Variants in CTNNA3 observed in about 807,000 individuals in gnomAD.
The protein encoded by CTNNA3 is catenin alpha-3.
Under a neutral mutation model 95.7 loss-of-function variants are expected in CTNNA3, and 76 were observed. That is an observed-to-expected ratio of 0.79 (90% CI 0.66 to 0.96). The LOEUF (loss-of-function observed/expected upper bound fraction) is 0.96. Among genes scored for constraint, CTNNA3 ranks in the 40% least tolerant of loss-of-function variants. The pLI, the probability that CTNNA3 is intolerant of heterozygous loss-of-function variation, is 0.00. For missense variants in CTNNA3, 1,191 were observed against 1,089.8 expected, an observed-to-expected ratio of 1.09 and a Z score of -1.31; for synonymous variants, 431 against 374.4, an observed-to-expected ratio of 1.15 and a Z score of -1.74.
At chr10:65,954,651 C>T (rs1407761847) in intron 17 of CTNNA3, among the ~76,000 whole-genome samples, 2 of 152,132 alleles carry the variant, frequency 1.3e-5, no homozygotes, top group Non-Finnish European at 2.9e-5. Context: ...GGAATCATTT[C>T]CCCATTTCTT....
intron 7 of CTNNA3, among the ~76,000 whole-genome samples, chr10:67,058,049 C>T (rs1309761909): frequency 1.3e-5 from 2 of 152,132 alleles, no homozygotes; most frequent in South Asian, 2.1e-4. Flanking sequence ...TACAGTGTCC[C>T]CAAGACCTGT....
At chr10:66,415,823 A>G (rs2093141588) in intron 11 of CTNNA3, among the ~76,000 whole-genome samples, 1 of 152,124 alleles carries the variant, frequency 6.6e-6, no homozygotes, top group South Asian at 2.1e-4. Flanking sequence ...AACCAACACC[A>G]CAGATTCTTC....
chr10:66,736,831 G>A (rs952161250), intron 9 of CTNNA3, among the ~76,000 whole-genome samples: 3 of 152,000 alleles, frequency 2.0e-5, no homozygotes, highest in Non-Finnish European at 4.4e-5. Flanking sequence ...ATAGATTTAG[G>A]TTGCTTATAT....
chr10:66,350,585 G>C (rs981202691), intron 12 of CTNNA3, among the ~76,000 whole-genome samples: 2 of 147,342 alleles, frequency 1.4e-5, no homozygotes, highest in African/African-American at 4.9e-5. Context: ...ATTGAAAAAT[G>C]ATGGGAAATT....
intron 7 of CTNNA3, among the ~76,000 whole-genome samples, chr10:66,962,613 A>G (rs1008021168): frequency 1.3e-5 from 2 of 151,654 alleles, no homozygotes; most frequent in Non-Finnish European, 2.9e-5. Flanking sequence ...GGATTTCACC[A>G]TGTTGGCCAG....
chr10:66,147,608 GTTTT>G (rs34193216), intron 13 of CTNNA3, among the ~76,000 whole-genome samples: 198 of 105,786 alleles, frequency 1.9e-3, no homozygotes, highest in African/African-American at 4.8e-3. Flanking sequence ...GTTGCTTTCA[GTTTT>G]TTTTTTTTTT....
chr10:67,383,744 T>C (rs1483740188), intron 5 of CTNNA3, among the ~76,000 whole-genome samples: 1 of 152,178 alleles, frequency 6.6e-6, no homozygotes, highest in East Asian at 1.9e-4. Context: ...ATTGAGTTTC[T>C]ATTATATGGC....
intron 17 of CTNNA3, among the ~76,000 whole-genome samples, chr10:65,957,528 C>T (rs191880570): frequency 6.8e-4 from 104 of 152,196 alleles, no homozygotes; most frequent in East Asian, 3.5e-3. Context: ...TGGCTGGTAC[C>T]GGTTGTTCCT....
At chr10:67,209,395 A>G (rs1200533591) in intron 6 of CTNNA3, among the ~76,000 whole-genome samples, 1 of 152,168 alleles carries the variant, frequency 6.6e-6, no homozygotes, top group Non-Finnish European at 1.5e-5. Context: ...TAGAAATACA[A>G]GGAGAAAATG....
intron 7 of CTNNA3, among the ~76,000 whole-genome samples, chr10:67,109,084 C>G (rs1434375756): frequency 6.6e-6 from 1 of 152,144 alleles, no homozygotes. Flanking sequence ...AATACAATTT[C>G]TAACTTCAGG....
At chr10:67,595,254 T>C (rs1232671767) in intron 3 of CTNNA3, among the ~76,000 whole-genome samples, 2 of 152,164 alleles carry the variant, frequency 1.3e-5, no homozygotes, top group African/African-American at 4.8e-5. Context: ...CCTTCTGCCT[T>C]TTTGATGTGG....
At chr10:66,528,031 G>T (rs1026181763) in intron 10 of CTNNA3, among the ~76,000 whole-genome samples, 14 of 152,126 alleles carry the variant, frequency 9.2e-5, no homozygotes, top group African/African-American at 3.1e-4. Context: ...AGAACTCCAA[G>T]GAACTGCTGA....
At chr10:67,590,639 G>A (rs1314980898) in intron 3 of CTNNA3, among the ~76,000 whole-genome samples, 2 of 152,024 alleles carry the variant, frequency 1.3e-5, no homozygotes, top group Non-Finnish European at 2.9e-5. Flanking sequence ...TCTCACTAAT[G>A]AGGACAGACA....
At chr10:66,703,220 G>A (rs1848011273) in intron 9 of CTNNA3, among the ~76,000 whole-genome samples, 1 of 152,094 alleles carries the variant, frequency 6.6e-6, no homozygotes, top group South Asian at 2.1e-4. Flanking sequence ...GTACTACTGT[G>A]TCTTTAGTCA....
chr10:67,157,084 T>C (rs1376670020), intron 7 of CTNNA3, among the ~76,000 whole-genome samples: 1 of 152,190 alleles, frequency 6.6e-6, no homozygotes, highest in Non-Finnish European at 1.5e-5. Context: ...AACATAGTAC[T>C]ATAAGTCCTA....
chr10:66,447,075 A>G (rs1042284633), intron 11 of CTNNA3, among the ~76,000 whole-genome samples: 5 of 151,742 alleles, frequency 3.3e-5, no homozygotes, highest in African/African-American at 1.2e-4. Context: ...CCCATTCACA[A>G]TTGCTTCAAA....
intron 11 of CTNNA3, among the ~76,000 whole-genome samples, chr10:66,463,240 T>C (rs564531981): frequency 6.6e-6 from 1 of 152,294 alleles, no homozygotes; most frequent in Admixed American, 6.5e-5. Context: ...CCTGGTGCCC[T>C]TCTCAAAGTA....
intron 13 of CTNNA3, among the ~76,000 whole-genome samples, chr10:66,104,725 T>C (rs1267882207): frequency 6.6e-6 from 1 of 152,204 alleles, no homozygotes; most frequent in Non-Finnish European, 1.5e-5. Flanking sequence ...AAAAACGAAG[T>C]AGAAGATGTC....
chr10:67,024,178 A>G (rs1277306347), intron 7 of CTNNA3, among the ~76,000 whole-genome samples: 1 of 151,614 alleles, frequency 6.6e-6, no homozygotes, highest in Admixed American at 6.6e-5. Flanking sequence ...AGACTACTAC[A>G]CTCCTTGGCT....
Sources: allele counts gnomAD v4.1 joint callset (sites outside exome capture counted in the v4.1 genomes callset), GRCh38; gene constraint gnomAD v4.1.1; transcripts MANE v1.5; gene names NCBI Gene and HGNC (gene_info 2026-07-23, HGNC 2026-07-21).